The following SHISA7 variants were observed in gnomAD, a reference collection of about 807,000 sequenced individuals.
SHISA7 encodes the protein protein shisa-7.
SHISA7 carries 6 observed loss-of-function variants against 23.9 expected under a neutral mutation model. The observed-to-expected ratio is 0.25, with a 90% confidence interval of 0.14 to 0.50. The LOEUF (loss-of-function observed/expected upper bound fraction) is 0.50, where lower values mean the gene tolerates loss of function less well. Ranked by LOEUF, SHISA7 falls within the 20% of genes least tolerant of loss-of-function variation. SHISA7 has a pLI of 0.98. For missense variants in SHISA7, 671 were observed against 801.1 expected (o/e 0.84, Z 1.96); for synonymous variants, 386 against 398.3 (o/e 0.97, Z 0.37).
In SHISA7 at chr19:55,433,312, C is replaced by A. The variant is rs975792296; in HGVS notation, c.1461G>T (p.Gln487His). 1.0e-5 allele frequency: 15 copies of A among 1,485,256 alleles called. No homozygotes were observed. The African/African-American group carries it at 2.2e-4, about 22-fold the overall frequency. The allele number at this position is 1,485,256 out of a possible 1,614,324, so 92.0% of individuals were successfully genotyped here. A position where few individuals can be genotyped will look rare whatever the true frequency, so the allele number is the denominator to read the frequency against. Residue 487 changes from glutamine to histidine, a missense_variant, in exon 4 of 4, where the codon CAG (glutamine) becomes CAT (histidine). By Grantham distance (24) the Gln-to-His change is conservative. This residue lies in a region of SHISA7 where 457 missense variants were observed against 488.3 expected (regional missense o/e 0.94). Coordinates refer to ENST00000376325, the MANE Select transcript of SHISA7 (RefSeq NM_001145176.2). The surrounding 1 kb of genome is among the most constrained non-coding windows in gnomAD (Gnocchi z 8.4). ...CGCCGGCGTCGGACATCCAGGCCGG[C>A]TGCGGCGAGCCGTGCAGGGCGTGGT... ...HHHHALHGSP[Q>H]PAWMSDAGGG...
chr19:55,433,749 A>C lies in SHISA7; in HGVS notation c.1024T>G (p.Leu342Val). The change falls in exon 4 of 4, where the codon TTG (leucine) becomes GTG (valine). Residue 342 changes from leucine to valine, a missense_variant. This residue lies in a region of SHISA7 where 457 missense variants were observed against 488.3 expected (regional missense o/e 0.94). Coordinates refer to ENST00000376325, the MANE Select transcript of SHISA7 (RefSeq NM_001145176.2). The surrounding 1 kb of genome is among the most constrained non-coding windows in gnomAD (Gnocchi z 8.4). ...TGCAGGGGCAGCGTGCCGCGGGGCA[A>C]TTCCAGGGGCCGGCGCTTCAGGTAG... ...EAYLKRRPLE[L>V]PRGTLPLHAL... is the part of the protein sequence containing the mutation. 1 of 1,455,930 alleles carries C rather than the reference A, an allele frequency of 6.9e-7. No homozygotes were observed. The highest frequency in any genetic ancestry group is 9.0e-7 in the Non-Finnish European group (1 of 1,114,316). The allele number at this position is 1,455,930 out of a possible 1,614,324, so 90.2% of individuals were successfully genotyped here. A position where few individuals can be genotyped will look rare whatever the true frequency, so the allele number is the denominator to read the frequency against.
intron 2 of SHISA7, among the ~76,000 whole-genome samples, chr19:55,439,146 G>A (rs1027285080): frequency 1.3e-5 from 2 of 152,110 alleles, no homozygotes; most frequent in Admixed American, 6.5e-5. Context: ...GGTGTTTGAG[G>A]CTTCAAAACC....
chr19:55,442,169 C>T (rs982357860), intron 1 of SHISA7, 24 bp downstream of exon 1: 1 of 1,525,292 alleles, frequency 6.6e-7, no homozygotes, highest in South Asian at 1.2e-5. Context: ...GGCTCGCAGT[C>T]CTCCCGCCCG....
At chr19:55,439,452 C>T (rs1985543749) in intron 2 of SHISA7, among the ~76,000 whole-genome samples, 1 of 152,198 alleles carries the variant, frequency 6.6e-6, no homozygotes, top group Non-Finnish European at 1.5e-5. Context: ...TCCAGAGGAC[C>T]GGTTCTACCA....
chr19:55,433,456 G>A lies in SHISA7; in HGVS notation c.1317C>T (p.Pro439=). The A allele has an allele frequency of 2.2e-6, 3 of 1,359,024 alleles. No individual in the cohort carries two copies. Among genetic ancestry groups the A allele is most frequent in the African/African-American group, 1.5e-5 (1 of 65,466 alleles). 84.2% of individuals were successfully genotyped at this position (1,359,024 alleles called of 1,614,324 possible). ...LSPPRSPALP[P]DPTARASLAA... is the part of the protein sequence containing the mutation. Reference sequence around the variant, plus strand: ...CCAGGCTGGCCCGGGCGGTGGGGTCGGGGGGCAGCGCGGGGCTGCGCGGGG... The same window carrying A: ...CCAGGCTGGCCCGGGCGGTGGGGTCAGGGGGCAGCGCGGGGCTGCGCGGGG... Residue 439 remains proline, a synonymous_variant, in exon 4 of 4, where the codon CCC becomes CCT. Transcript: ENST00000376325. The surrounding 1 kb of genome is among the most constrained non-coding windows in gnomAD (Gnocchi z 8.4).
chr19:55,439,056 C>T (rs1424026799), intron 2 of SHISA7, among the ~76,000 whole-genome samples: 3 of 152,172 alleles, frequency 2.0e-5, no homozygotes, highest in African/African-American at 4.8e-5. Context: ...TCAGCCTCAC[C>T]GAGGTAACTG....
chr19:55,442,920 G>A lies in SHISA7; in HGVS notation c.-57C>T, dbSNP rs2123359663. On this transcript the variant is annotated 5_prime_UTR_variant, in exon 1 of 4. Coordinates refer to ENST00000376325, the MANE Select transcript of SHISA7 (RefSeq NM_001145176.2). The stretch of plus-strand genomic sequence containing the variant: ...GGCTGCGGGGAGAACGAGAGCAGAG[G>A]TTGGAGCGCTGGGCGGGAGAGAAAC... 2 of 1,175,600 alleles carry A rather than the reference G, an allele frequency of 1.7e-6. No individual in the cohort carries two copies. The highest frequency in any genetic ancestry group is 1.6e-5 in the African/African-American group (1 of 60,930). The allele number at this position is 1,175,600 out of a possible 1,614,324, so 72.8% of individuals were successfully genotyped here. A position where few individuals can be genotyped will look rare whatever the true frequency, so the allele number is the denominator to read the frequency against.
rs1205786320 is a variant in SHISA7 at position 55,433,689 on chromosome 19, G to T, written c.1084C>A (p.Arg362Ser). The part of the protein sequence containing the change: ...LRRPGTGGGY[R>S]MEAWGGPEEL... ...TCTGGGCCGCCCCAGGCCTCCATGCGATAGCCGCCCCCCGTGCCCGGCCGC... is the reference window on the plus strand; with the variant it reads ...TCTGGGCCGCCCCAGGCCTCCATGCTATAGCCGCCCCCCGTGCCCGGCCGC... The change falls in exon 4 of 4, where the codon CGC (arginine) becomes AGC (serine). Residue 362 changes from arginine to serine, a missense_variant. Physicochemically the swap from Arg to Ser is moderately radical, Grantham distance 110. This residue lies in a region of SHISA7 where 457 missense variants were observed against 488.3 expected (regional missense o/e 0.94). Transcript: ENST00000376325. This position sits in a 1 kb window ranked among gnomAD's most constrained non-coding sequence, Gnocchi z 8.4. The T allele has an allele frequency of 1.0e-5, 15 of 1,482,066 alleles. No individual in the cohort carries two copies. Among genetic ancestry groups the T allele is most frequent in the South Asian group, 1.3e-5 (1 of 78,674 alleles). The allele number at this position is 1,482,066 out of a possible 1,614,324, so 91.8% of individuals were successfully genotyped here. A position where few individuals can be genotyped will look rare whatever the true frequency, so the allele number is the denominator to read the frequency against.
intron 3 of SHISA7, among the ~76,000 whole-genome samples, chr19:55,434,847 GT>G (rs1985369690): frequency 9.5e-6 from 1 of 105,144 alleles, no homozygotes; most frequent in African/African-American, 3.9e-5. Flanking sequence ...TGGTGTGTGT[GT>G]GCGTGTGTGT....
Position 55,433,522 on chromosome 19 carries a change from C to A in SHISA7, c.1251G>T (p.Ser417=). 6.7e-7 allele frequency: 1 copy of A among 1,481,918 alleles called. No homozygotes were observed. The allele number at this position is 1,481,918 out of a possible 1,614,324, so 91.8% of individuals were successfully genotyped here. ...LVSQEHLLLS[S]PEALRQSREH... ...CGCGACTCTGGCGCAGGGCCTCGGG[C>A]GAGGACAGCAGCAGGTGCTCCTGCG... The change falls in exon 4 of 4, where the codon TCG becomes TCT. Residue 417 remains serine (S), a synonymous_variant. Transcript: ENST00000376325. The surrounding 1 kb of genome is among the most constrained non-coding windows in gnomAD (Gnocchi z 8.4).
chr19:55,433,182 C>G lies in SHISA7; in HGVS notation c.1591G>C (p.Ala531Pro). ...CAGACAGTCACCTCGTTCTTGCTGGCCGTGCGCAGGTGCTGGGGCAGGTGG... is the reference window on the plus strand; with the variant it reads ...CAGACAGTCACCTCGTTCTTGCTGGGCGTGCGCAGGTGCTGGGGCAGGTGG... ...GHHLPQHLRT[A>P]SKNEVTV The change falls in exon 4 of 4, where the codon GCC becomes CCC. Residue 531 changes from alanine (A) to proline (P), a missense_variant. Around this residue, in one of 5 missense-constraint regions of SHISA7, gnomAD observed 457 missense variants for 488.3 expected, o/e 0.94. Transcript: ENST00000376325. The surrounding 1 kb of genome is among the most constrained non-coding windows in gnomAD (Gnocchi z 8.4). 2.6e-6 allele frequency: 4 copies of G among 1,526,464 alleles called. No individual in the cohort carries two copies. The highest frequency in any genetic ancestry group is 3.5e-6 in the Non-Finnish European group (4 of 1,141,730). The allele number at this position is 1,526,464 out of a possible 1,614,324, so 94.6% of individuals were successfully genotyped here.
chr19:55,435,106 TGTGTGTG>T (rs1288030626), intron 3 of SHISA7, among the ~76,000 whole-genome samples: 6 of 48,514 alleles, frequency 1.2e-4, no homozygotes, highest in South Asian at 9.9e-4. Context: ...GTGTATGGTG[TGTGTGTG>T]GTGTGTGTGG....
At position 55,440,687 on chromosome 19, in the gene SHISA7, C is replaced by G; in HGVS notation, c.750G>C (p.Pro250=). 2 of 1,249,684 alleles carry G rather than the reference C, an allele frequency of 1.6e-6. No homozygotes were observed. The highest frequency in any genetic ancestry group is 1.0e-6 in the Non-Finnish European group (1 of 988,410). The allele number at this position is 1,249,684 out of a possible 1,614,324, so 77.4% of individuals were successfully genotyped here. A position where few individuals can be genotyped will look rare whatever the true frequency, so the allele number is the denominator to read the frequency against. The change falls in exon 2 of 4, where the codon CCG becomes CCC. Residue 250 remains proline, a synonymous_variant. Coordinates refer to ENST00000376325, the MANE Select transcript of SHISA7 (RefSeq NM_001145176.2). ...PDRARSSSLT[P]GIGGPDSMPP... ...GCATGCTGTCGGGACCGCCGATCCC[C>G]GGGGTCAGGGAGCTGCTTCGGGCCC...
chr19:55,435,932 T>C (rs1985448532), intron 3 of SHISA7, among the ~76,000 whole-genome samples: 1 of 145,962 alleles, frequency 6.9e-6, no homozygotes, highest in Non-Finnish European at 1.5e-5. Context: ...TTCAAAGATT[T>C]CCTGTAATTA....
At chr19:55,439,740 A>G (rs896164378) in intron 2 of SHISA7, among the ~76,000 whole-genome samples, 3 of 148,372 alleles carry the variant, frequency 2.0e-5, no homozygotes, top group African/African-American at 7.6e-5. Context: ...CCTTTGCTCA[A>G]ATACCTCTCC....
chr19:55,438,208 C>A (rs1985514573), intron 2 of SHISA7, among the ~76,000 whole-genome samples: 1 of 152,112 alleles, frequency 6.6e-6, no homozygotes, highest in African/African-American at 2.4e-5. Flanking sequence ...AGATTGTAGC[C>A]CATCAGTTCC....
In SHISA7 at chr19:55,441,169, T is replaced by C. The variant is rs531740178; in HGVS notation, c.672-404A>G. Among the ~76,000 whole-genome samples, 14 of 152,214 alleles carry C rather than the reference T, an allele frequency of 9.2e-5. No individual in the cohort carries two copies. In the South Asian group the frequency reaches 2.9e-3, roughly 32 times the overall value. On this transcript the variant is annotated intron_variant, in intron 1 of 3. Coordinates refer to ENST00000376325, the MANE Select transcript of SHISA7 (RefSeq NM_001145176.2). ...CTCTTCTTTCCCCCACCTTCATACC[T>C]TTCAGCAATCCTACGGATCGAACCT...
Position 55,433,804 on chromosome 19 carries a change from G to T in SHISA7, c.977-8C>A. ...CGTCCAGATCCTTCTCGGCTGCGGG[G>T]AGAGGGGGAAAAGCCACAGCCGTGG... is the stretch of plus-strand genomic sequence containing the variant. On this transcript the variant is annotated splice_polypyrimidine_tract_variant and splice_region_variant and intron_variant, in intron 3 of 3. Coordinates refer to ENST00000376325, the MANE Select transcript of SHISA7 (RefSeq NM_001145176.2). The surrounding 1 kb of genome is among the most constrained non-coding windows in gnomAD (Gnocchi z 8.4). 1 of 1,391,106 alleles carries T rather than the reference G, an allele frequency of 7.2e-7. No homozygotes were observed. The highest frequency in any genetic ancestry group is 9.2e-7 in the Non-Finnish European group (1 of 1,081,772). 86.2% of individuals were successfully genotyped at this position (1,391,106 alleles called of 1,614,324 possible).
chr19:55,439,806 T>C (rs1210243152), intron 2 of SHISA7, among the ~76,000 whole-genome samples: 3 of 150,848 alleles, frequency 2.0e-5, no homozygotes, highest in Non-Finnish European at 4.4e-5. Context: ...CAAATACCTC[T>C]CCCTTGGAGA....
Sources: allele counts gnomAD v4.1 joint callset (sites outside exome capture counted in the v4.1 genomes callset), GRCh38; gene constraint gnomAD v4.1.1; regional missense constraint gnomAD v4.1.1; non-coding constraint Gnocchi (gnomAD v3.1); transcripts MANE v1.5; gene names NCBI Gene and HGNC (gene_info 2026-07-23, HGNC 2026-07-21).